Variants in WDR11 observed in about 807,000 individuals in gnomAD.
WDR11 encodes WD repeat domain 11, also known as WD repeat-containing protein 11.
Under a neutral mutation model 151.2 loss-of-function variants are expected in WDR11, and 83 were observed. That is an observed-to-expected ratio of 0.55 (90% CI 0.46 to 0.66). The LOEUF (loss-of-function observed/expected upper bound fraction) is 0.66, where lower values mean the gene tolerates loss of function less well. Among genes scored for constraint, WDR11 ranks in the 30% least tolerant of loss-of-function variants. The pLI is 0.00. For missense variants in WDR11, 1,301 were observed against 1,480.9 expected, an observed-to-expected ratio of 0.88 and a Z score of 1.99; for synonymous variants, 484 against 533.1, an observed-to-expected ratio of 0.91 and a Z score of 1.27.
chr10:120,868,385 C>T (rs11199609), intron 9 of WDR11, among the ~76,000 whole-genome samples: 1,974 of 151,800 alleles, frequency 0.013, 16 homozygotes, highest in Non-Finnish European at 0.018. Context: ...ACCTGGGAGG[C>T]GGTGGAGGTT....
In WDR11 at chr10:120,873,767, A is replaced by C. The variant is rs936345307; in HGVS notation, c.1472-72A>C. 7 of 1,025,066 alleles carry C rather than the reference A, an allele frequency of 6.8e-6. No individual in the cohort carries two copies. In the African/African-American group the frequency reaches 1.1e-4, roughly 16 times the overall value. The allele number at this position is 1,025,066 out of a possible 1,614,324, so 63.5% of individuals were successfully genotyped here. A position where few individuals can be genotyped will look rare whatever the true frequency, so the allele number is the denominator to read the frequency against. ...AATGTGTTAAGTGATTAAAGTCTTG[A>C]GAAAAGACTTTTCTTGCAAAGTGCT... On this transcript the variant is annotated intron_variant, in intron 10 of 28. Transcript: ENST00000263461.
chr10:120,904,597 T>C (rs768291212), intron 24 of WDR11, 49 bp from the exon 25 acceptor site: 5 of 1,609,398 alleles, frequency 3.1e-6, no homozygotes, highest in Non-Finnish European at 4.3e-6. Flanking sequence ...TAAAAAGTTA[T>C]GTTGGAGGAA....
chr10:120,866,502 A>C, intron 7 of WDR11, 67 bp from the exon 8 acceptor site: 2 of 1,585,338 alleles, frequency 1.3e-6, no homozygotes, highest in Non-Finnish European at 1.7e-6. Context: ...GTTTTATTTA[A>C]ATTGAAACAA....
chr10:120,852,112 G>A (rs1487465410), intron 1 of WDR11: 1 of 245,610 alleles, frequency 4.1e-6, no homozygotes. Context: ...TTGTTAGGAG[G>A]ACTGAAACGT....
intron 13 of WDR11, among the ~76,000 whole-genome samples, chr10:120,882,549 T>TTTTG (rs1847053710): frequency 8.5e-6 from 1 of 117,224 alleles, no homozygotes; most frequent in African/African-American, 3.1e-5. Context: ...GTTTTGTTTT[T>TTTTG]TTTTTTCATA....
chr10:120,876,259 C>T (rs907223803), intron 11 of WDR11, among the ~76,000 whole-genome samples: 9 of 152,050 alleles, frequency 5.9e-5, no homozygotes, highest in Non-Finnish European at 2.9e-5. Context: ...GGATTACAGG[C>T]GTGAGCCACC....
At chr10:120,890,449 G>GGT (rs939839409) in intron 18 of WDR11, among the ~76,000 whole-genome samples, 6 of 152,050 alleles carry the variant, frequency 3.9e-5, no homozygotes, top group African/African-American at 1.2e-4. Context: ...CCTGACCTGA[G>GGT]GTGATCTGCC....
Position 120,904,028 on chromosome 10 carries a change from C to CTT in WDR11, c.2932-12_2932-11dup. On this transcript the variant is annotated intron_variant, in intron 23 of 28. Coordinates refer to ENST00000263461, the MANE Select transcript of WDR11 (RefSeq NM_018117.12). Reference sequence around the variant, plus strand: ...CTCTTATAATCCAGGCTTAATTTTTCTTTTTTTTCCAATTCTAGAAATTTC... The same window carrying CTT: ...CTCTTATAATCCAGGCTTAATTTTTCTTTTTTTTTTCCAATTCTAGAAATTTC... 6.5e-7 allele frequency: 1 copy of CTT among 1,540,294 alleles called. No individual in the cohort carries two copies. Among genetic ancestry groups the CTT allele is most frequent in the Non-Finnish European group, 9.0e-7 (1 of 1,115,146 alleles).
In WDR11 at chr10:120,871,297, A is replaced by G; in HGVS notation, c.1422A>G (p.Pro474=). The G allele has an allele frequency of 6.2e-7, 1 of 1,613,880 alleles. No homozygotes were observed. The highest frequency in any genetic ancestry group is 8.5e-7 in the Non-Finnish European group (1 of 1,179,984). ...CACAGTTTGCTATTCGTATGTGTCC[A>G]CCGTTGACCACAAAAAACATCAAGA... ...PAPQFAIRMC[P]PLTTKNIKMY... is the part of the protein sequence containing the mutation. The change falls in exon 10 of 29, where the codon CCA becomes CCG. Residue 474 remains proline, a synonymous_variant. Coordinates refer to ENST00000263461, the MANE Select transcript of WDR11 (RefSeq NM_018117.12).
intron 5 of WDR11, among the ~76,000 whole-genome samples, chr10:120,864,039 T>C (rs1175799279): frequency 2.6e-5 from 4 of 152,208 alleles, no homozygotes; most frequent in Admixed American, 2.6e-4. Flanking sequence ...ATGAATTATA[T>C]GTATATCTTG....
At chr10:120,893,062 G>A (rs1026511990) in intron 19 of WDR11, among the ~76,000 whole-genome samples, 5 of 150,574 alleles carry the variant, frequency 3.3e-5, no homozygotes, top group Admixed American at 1.3e-4. Context: ...TGTGCACAAC[G>A]TGCAGGTTTG....
chr10:120,882,469 G>A (rs1356575527), intron 13 of WDR11, among the ~76,000 whole-genome samples: 1 of 150,896 alleles, frequency 6.6e-6, no homozygotes, highest in Non-Finnish European at 1.5e-5. Context: ...TACTAAATGG[G>A]AAAAATTTAT....
chr10:120,863,183 C>T (rs1846197158), intron 5 of WDR11, among the ~76,000 whole-genome samples: 1 of 152,188 alleles, frequency 6.6e-6, no homozygotes, highest in African/African-American at 2.4e-5. Context: ...CTGATTTTTA[C>T]TTGTGAAAAT....
chr10:120,877,712 T>G (rs1846845534), intron 11 of WDR11, among the ~76,000 whole-genome samples: 2 of 152,226 alleles, frequency 1.3e-5, no homozygotes, highest in African/African-American at 4.8e-5. Context: ...TAGATTTTCA[T>G]GTCCAAATAA....
In WDR11 at chr10:120,863,073, C is replaced by G. The variant is rs2133740573; in HGVS notation, c.713+152C>G. Reference sequence around the variant, plus strand: ...AGAGGAAAAAAATATTTATTTTTGTCCCCTGCCCTAAGAGGAGATTCAGCA... The same window carrying G: ...AGAGGAAAAAAATATTTATTTTTGTGCCCTGCCCTAAGAGGAGATTCAGCA... On this transcript the variant is annotated intron_variant, in intron 5 of 28. Transcript: ENST00000263461. 4.7e-6 allele frequency: 3 copies of G among 641,246 alleles called. No homozygotes were observed. The East Asian group carries it at 8.2e-5, about 18-fold the overall frequency. The allele number at this position is 641,246 out of a possible 1,614,324, so 39.7% of individuals were successfully genotyped here. A position where few individuals can be genotyped will look rare whatever the true frequency, so the allele number is the denominator to read the frequency against.
At chr10:120,895,976 T>C (rs531024416) in intron 19 of WDR11, among the ~76,000 whole-genome samples, 105 of 152,248 alleles carry the variant, frequency 6.9e-4, no homozygotes, top group African/African-American at 2.4e-3. Flanking sequence ...GAATTTATCT[T>C]AAGATGTACA....
At chr10:120,902,492 A>G (rs898940887) in intron 22 of WDR11, among the ~76,000 whole-genome samples, 170 bp downstream of exon 22, 2 of 152,200 alleles carry the variant, frequency 1.3e-5, no homozygotes, top group Non-Finnish European at 2.9e-5. Context: ...GGAAAAATCA[A>G]ATTGCATTTT....
rs539764343 is a variant in WDR11, at chr10:120,852,720, C to T, written c.198+85C>T. On this transcript the variant is annotated intron_variant, in intron 2 of 28. Coordinates refer to ENST00000263461, the MANE Select transcript of WDR11 (RefSeq NM_018117.12). Reference sequence around the variant, plus strand: ...ATCACTAAGCTCTCATTAAGTCTTACGTGTAAGTGTTGAATAGCTTTTAAA... The same window carrying T: ...ATCACTAAGCTCTCATTAAGTCTTATGTGTAAGTGTTGAATAGCTTTTAAA... 13 of 1,164,952 alleles carry T rather than the reference C, an allele frequency of 1.1e-5. No individual in the cohort carries two copies. In the East Asian group the frequency reaches 1.7e-4, roughly 16 times the overall value. 72.2% of individuals were successfully genotyped at this position (1,164,952 alleles called of 1,614,324 possible).
At chr10:120,863,039 G>T in intron 5 of WDR11, 118 bp downstream of exon 5, 1 of 728,928 alleles carries the variant, frequency 1.4e-6, no homozygotes, top group Non-Finnish European at 2.3e-6. Flanking sequence ...TTCTAATTTT[G>T]AATTTATTAG....
Sources: allele counts gnomAD v4.1 joint callset (sites outside exome capture counted in the v4.1 genomes callset), GRCh38; gene constraint gnomAD v4.1.1; transcripts MANE v1.5; gene names NCBI Gene and HGNC (gene_info 2026-07-23, HGNC 2026-07-21).